The following CRMP1 variants were observed in gnomAD, a reference collection of about 807,000 sequenced individuals.
CRMP1 encodes collapsin response mediator protein 1.
CRMP1 carries 19 observed loss-of-function variants against 68.3 expected under a neutral mutation model. The ratio of observed to expected loss-of-function variants is 0.28; its 90% CI spans 0.19 to 0.41. CRMP1 has a LOEUF of 0.41. Among genes scored for constraint, CRMP1 ranks in the 10% least tolerant of loss-of-function variants. The pLI is 1.00. For synonymous variants in CRMP1, 439 were observed against 399.6 expected (o/e 1.10, Z -1.18); for missense variants, 791 against 967.4 (o/e 0.82, Z 2.42).
Position 5,892,628 on chromosome 4 carries a change from G to C in CRMP1, c.342C>G (p.Pro114=), listed in dbSNP as rs1326161524. The change falls in exon 1 of 14, where the codon CCC becomes CCG. Residue 114 remains proline, a synonymous_variant. Transcript: ENST00000324989. This position sits in a 1 kb window ranked among gnomAD's most constrained non-coding sequence, Gnocchi z 8.6. ...GGCCGAGGGGCAGGTCGCGGGGCGC[G>C]GGGCGGCGGATGCGCAGCGTCGGCG... ...ERPPTLRIRR[P]APRDLPLGRD... 16 of 1,192,060 alleles carry C rather than the reference G, an allele frequency of 1.3e-5. No individual in the cohort carries two copies. The highest frequency in any genetic ancestry group is 7.3e-5 in the East Asian group (2 of 27,512). The allele number at this position is 1,192,060 out of a possible 1,614,324, so 73.8% of individuals were successfully genotyped here.
Position 5,821,675 on chromosome 4 carries a change from AC to A in CRMP1, c.*84del. On this transcript the variant is annotated 3_prime_UTR_variant, in exon 14 of 14. Transcript: ENST00000324989. The surrounding 1 kb of genome is among the most constrained non-coding windows in gnomAD (Gnocchi z 4.4). ...CCTCCCTCCATCAGCACCAACTAAA[AC>A]TGTGGGTTTCAAAAACACTGACAGG... 1 of 1,322,708 alleles carries A rather than the reference AC, an allele frequency of 7.6e-7. No individual in the cohort carries two copies. The allele number at this position is 1,322,708 out of a possible 1,614,324, so 81.9% of individuals were successfully genotyped here.
chr4:5,877,846 T>A lies in CRMP1; in HGVS notation c.382-11090A>T, dbSNP rs79322680. Among the ~76,000 whole-genome samples, 6 of 152,314 alleles carry A rather than the reference T, an allele frequency of 3.9e-5. No individual in the cohort carries two copies. In the East Asian group the frequency reaches 1.2e-3, roughly 29 times the overall value. On this transcript the variant is annotated intron_variant, in intron 1 of 13. Transcript: ENST00000324989. This position sits in a 1 kb window ranked among gnomAD's most constrained non-coding sequence, Gnocchi z 4.3. ...GGAGCACTCCCTGATGGACTGAATATCTGATTTTAAAACAGCACACCTCTG... is the reference window on the plus strand; with the variant it reads ...GGAGCACTCCCTGATGGACTGAATAACTGATTTTAAAACAGCACACCTCTG...
rs749182326 is a variant in CRMP1, at chr4:5,870,119, G to A, written c.382-3363C>T. ...CCTCAGAGTGAAAGCCAAGGTCAGCGAGACCCCAGTTAATCTGGAGTCCCA... is the reference window on the plus strand; with the variant it reads ...CCTCAGAGTGAAAGCCAAGGTCAGCAAGACCCCAGTTAATCTGGAGTCCCA... On this transcript the variant is annotated intron_variant, in intron 1 of 13. Transcript: ENST00000324989. The surrounding 1 kb of genome is among the most constrained non-coding windows in gnomAD (Gnocchi z 6.0). 4.9e-4 allele frequency among the ~76,000 whole-genome samples: 74 copies of A among 152,270 alleles called. 1 individual carries two copies. Among genetic ancestry groups the A allele is most frequent in the Non-Finnish European group, 9.6e-4 (65 of 68,030 alleles).
intron 1 of CRMP1, among the ~76,000 whole-genome samples, chr4:5,876,672 A>C (rs1347175128): frequency 5.3e-5 from 8 of 152,170 alleles, no homozygotes; most frequent in Admixed American, 6.5e-5. Flanking sequence ...TTTAAAGGCC[A>C]CATACTCATG....
In CRMP1 at chr4:5,842,580, C is replaced by T. The variant is rs1711832703; in HGVS notation, c.1032+513G>A. ...TCCCTGCAGGTGCATGCACATGCAC[C>T]CACACTCACACACTCTCTCACACAC... On this transcript the variant is annotated intron_variant, in intron 7 of 13. Coordinates refer to ENST00000324989, the MANE Select transcript of CRMP1 (RefSeq NM_001014809.3). The surrounding 1 kb of genome is among the most constrained non-coding windows in gnomAD (Gnocchi z 4.5). Among the ~76,000 whole-genome samples the T allele has an allele frequency of 6.8e-6, 1 of 146,246 alleles. No homozygotes were observed. The highest frequency in any genetic ancestry group is 2.1e-4 in the East Asian group (1 of 4,688).
rs1715246240 is a variant in CRMP1, at chr4:5,881,910, G to C, written c.381+10679C>G. Among the ~76,000 whole-genome samples the C allele has an allele frequency of 6.6e-6, 1 of 152,014 alleles. No homozygotes were observed. The highest frequency in any genetic ancestry group is 1.5e-5 in the Non-Finnish European group (1 of 68,002). ...ACATGGGCCCCTAATATCTATCTCT[G>C]TCCTTTGCCTCTCACCCTCATTCCA... On this transcript the variant is annotated intron_variant, in intron 1 of 13. Coordinates refer to ENST00000324989, the MANE Select transcript of CRMP1 (RefSeq NM_001014809.3). The surrounding 1 kb of genome is among the most constrained non-coding windows in gnomAD (Gnocchi z 4.6).
rs771502704 is a variant in CRMP1 at position 5,861,250 on chromosome 4, A to C, written c.471-40T>G. The C allele has an allele frequency of 3.8e-6, 6 of 1,592,710 alleles. No individual in the cohort carries two copies. The highest frequency in any genetic ancestry group is 5.1e-6 in the Non-Finnish European group (6 of 1,168,286). ...CAGAGACAGCCTTGGTTCTTAAAGGAAAAGTAGAATGGGCAGTCAACCCGC... is the reference window on the plus strand; with the variant it reads ...CAGAGACAGCCTTGGTTCTTAAAGGCAAAGTAGAATGGGCAGTCAACCCGC... On this transcript the variant is annotated intron_variant, in intron 2 of 13. Transcript: ENST00000324989. The surrounding 1 kb of genome is among the most constrained non-coding windows in gnomAD (Gnocchi z 6.0).
rs934010480 is a variant in CRMP1 at position 5,879,388 on chromosome 4, G to A, written c.382-12632C>T. The stretch of plus-strand genomic sequence containing the variant: ...CCCACAACATGAGGCTTGCATCTCT[G>A]GTCCAGCATTTGTTCATGACACTCA... On this transcript the variant is annotated intron_variant, in intron 1 of 13. Transcript: ENST00000324989. This position sits in a 1 kb window ranked among gnomAD's most constrained non-coding sequence, Gnocchi z 4.2. 1.3e-5 allele frequency among the ~76,000 whole-genome samples: 2 copies of A among 152,148 alleles called. No individual in the cohort carries two copies. The highest frequency in any genetic ancestry group is 4.8e-5 in the African/African-American group (2 of 41,416).
rs551534150 is a variant in CRMP1 at position 5,841,577 on chromosome 4, C to T, written c.1033-149G>A. On this transcript the variant is annotated intron_variant, in intron 7 of 13. Transcript: ENST00000324989. The surrounding 1 kb of genome is among the most constrained non-coding windows in gnomAD (Gnocchi z 6.9). ...CTGAGTCCAACAGCGCTTGACAGTG[C>T]CCCCTGCTCTCCGGGGTGGAGCATT... 22 of 1,241,566 alleles carry T rather than the reference C, an allele frequency of 1.8e-5. No individual in the cohort carries two copies. Among genetic ancestry groups the T allele is most frequent in the Non-Finnish European group, 2.5e-5 (22 of 888,016 alleles). 76.9% of individuals were successfully genotyped at this position (1,241,566 alleles called of 1,614,324 possible). A position where few individuals can be genotyped will look rare whatever the true frequency, so the allele number is the denominator to read the frequency against.
rs201875462 is a variant in CRMP1 at position 5,861,084 on chromosome 4, C to T, written c.597G>A (p.Ala199=). Residue 199 remains alanine (A), a synonymous_variant, in exon 3 of 14, where the codon GCG becomes GCA. Coordinates refer to ENST00000324989, the MANE Select transcript of CRMP1 (RefSeq NM_001014809.3). The surrounding 1 kb of genome is among the most constrained non-coding windows in gnomAD (Gnocchi z 6.0). ...YLQKPSQGMT[A]ADDFFQGTRA... is the part of the protein sequence containing the mutation. ...TGGTCCCTTGGAAGAAGTCATCAGC[C>T]GCAGTCATCCCCTGGGAGGGCTTCT... 3.2e-5 allele frequency: 51 copies of T among 1,614,046 alleles called. No individual in the cohort carries two copies. Among genetic ancestry groups the T allele is most frequent in the South Asian group, 1.2e-4 (11 of 91,096 alleles).
chr4:5,873,132 G>A (rs897598728), intron 1 of CRMP1, among the ~76,000 whole-genome samples: 2 of 152,146 alleles, frequency 1.3e-5, no homozygotes, highest in Non-Finnish European at 2.9e-5. Context: ...GCCCTCAAGG[G>A]GTGCTCAGGC....
rs1418886497 is a variant in CRMP1 at position 5,887,601 on chromosome 4, C to A, written c.381+4988G>T. The A allele has an allele frequency of 3.0e-6, 3 of 984,898 alleles. No homozygotes were observed. The African/African-American group carries it at 5.2e-5, about 17-fold the overall frequency. 61.0% of individuals were successfully genotyped at this position (984,898 alleles called of 1,614,324 possible). On this transcript the variant is annotated intron_variant, in intron 1 of 13. Transcript: ENST00000324989. ...ACCACCGTCCCCACCCTCTCGCGGC[C>A]CAGCGTCGGGAACATTAACCCTTCC...
At chr4:5,829,803 T>C (rs531796454) in intron 11 of CRMP1, among the ~76,000 whole-genome samples, 2 of 152,328 alleles carry the variant, frequency 1.3e-5, no homozygotes, top group South Asian at 2.1e-4. Context: ...GAATAAACAG[T>C]TGGGTCATTA....
rs6838020 is a variant in CRMP1, at chr4:5,865,092, A to T, written c.470+1576T>A. 6.6e-6 allele frequency among the ~76,000 whole-genome samples: 1 copy of T among 151,446 alleles called. No individual in the cohort carries two copies. Among genetic ancestry groups the T allele is most frequent in the East Asian group, 2.0e-4 (1 of 5,098 alleles). On this transcript the variant is annotated intron_variant, in intron 2 of 13. Coordinates refer to ENST00000324989, the MANE Select transcript of CRMP1 (RefSeq NM_001014809.3). This position sits in a 1 kb window ranked among gnomAD's most constrained non-coding sequence, Gnocchi z 4.1. ...AGCCTCCTCCTCCTCCTCCATCATC[A>T]TCTCCAAAGCCCACACGGGCCCCAG... is the stretch of plus-strand genomic sequence containing the variant.
chr4:5,882,161 C>T (rs1217333252), intron 1 of CRMP1, among the ~76,000 whole-genome samples: 1 of 152,194 alleles, frequency 6.6e-6, no homozygotes, highest in Non-Finnish European at 1.5e-5. Context: ...TGCTTCTCTC[C>T]CACCGATTTA....
At chr4:5,835,513 C>T (rs1720670394) in intron 11 of CRMP1, among the ~76,000 whole-genome samples, 1 of 152,202 alleles carries the variant, frequency 6.6e-6, no homozygotes, top group Non-Finnish European at 1.5e-5. Flanking sequence ...AGCCACAAAA[C>T]CGAGTGGGAG....
At position 5,834,856 on chromosome 4, in the gene CRMP1, A is replaced by G. The variant is rs1467485330; in HGVS notation, c.1623+1059T>C. Among the ~76,000 whole-genome samples the G allele has an allele frequency of 3.3e-5, 5 of 152,294 alleles. No homozygotes were observed. The highest frequency in any genetic ancestry group is 2.1e-4 in the South Asian group (1 of 4,830). On this transcript the variant is annotated intron_variant, in intron 11 of 13. Transcript: ENST00000324989. This position sits in a 1 kb window ranked among gnomAD's most constrained non-coding sequence, Gnocchi z 4.3. ...GTGTTACCAGGGAGCATTGTGTATT[A>G]TAAGAATGACCTGGATTGGTGAGCC...
Position 5,835,916 on chromosome 4 carries a change from G to C in CRMP1, c.1622C>G (p.Ser541Trp). The stretch of plus-strand genomic sequence containing the variant: ...CAGCACAAATAGGCCAGGACTTACC[G>C]ACTTGTGACTTTTGGCTGTTATGGT... ...LKTITAKSHK[S>W]AVEYNIFEGM... is the part of the protein sequence containing the mutation. The change falls in exon 11 of 14, where the codon TCG (serine) becomes TGG (tryptophan). Residue 541 changes from serine (S) to tryptophan (W), a missense_variant and splice_region_variant. By Grantham distance (177) the Ser-to-Trp change is radical. Transcript: ENST00000324989. 6.5e-7 allele frequency: 1 copy of C among 1,536,796 alleles called. No homozygotes were observed. Among genetic ancestry groups the C allele is most frequent in the Non-Finnish European group, 8.7e-7 (1 of 1,142,902 alleles).
At chr4:5,851,907 GAAA>G (rs1214621329) in intron 4 of CRMP1, among the ~76,000 whole-genome samples, 4 of 148,732 alleles carry the variant, frequency 2.7e-5, no homozygotes, top group African/African-American at 9.9e-5. Flanking sequence ...AGAAAAAGGA[GAAA>G]GAGAAGGAGA....
Sources: gnomAD v4.1 joint callset for allele counts (sites outside exome capture counted in the v4.1 genomes callset) on GRCh38, gnomAD v4.1.1 for gene constraint, Gnocchi (gnomAD v3.1) non-coding constraint, MANE v1.5 for transcripts, NCBI Gene and HGNC (gene_info 2026-07-23, HGNC 2026-07-21) for gene names.